The following PPFIBP1 variants were observed in gnomAD, a reference collection of about 807,000 sequenced individuals.
The protein encoded by PPFIBP1 is liprin-beta-1.
Under a neutral mutation model 137.8 loss-of-function variants are expected in PPFIBP1, and 112 were observed. That is an observed-to-expected ratio of 0.81 (90% CI 0.70 to 0.95). The LOEUF is 0.95. PPFIBP1 is among the 40% of genes least tolerant of loss of function. The probability of loss-of-function intolerance (pLI) is 0.00; values close to 1 mark genes in which losing one functional copy is unlikely to be tolerated. For synonymous variants in PPFIBP1, 378 were observed against 417.3 expected, an observed-to-expected ratio of 0.91 and a Z score of 1.15; for missense variants, 1,083 against 1,196.6, an observed-to-expected ratio of 0.91 and a Z score of 1.40.
At chr12:27,555,560 G>T (rs1033745063) in intron 1 of PPFIBP1, among the ~76,000 whole-genome samples, 5 of 152,118 alleles carry the variant, frequency 3.3e-5, no homozygotes, top group Non-Finnish European at 5.9e-5. Flanking sequence ...GGCAGAAATT[G>T]TGCTTTTCTT....
At chr12:27,579,442 C>T (rs1407845798) in intron 2 of PPFIBP1, among the ~76,000 whole-genome samples, 1 of 152,232 alleles carries the variant, frequency 6.6e-6, no homozygotes, top group Non-Finnish European at 1.5e-5. Context: ...GAGCCTTCCT[C>T]CCCTCATGCT....
chr12:27,677,270 G>A, intron 19 of PPFIBP1, 174 bp downstream of exon 19: 1 of 725,412 alleles, frequency 1.4e-6, no homozygotes, highest in Non-Finnish European at 2.3e-6. Context: ...TAGAGGCTTT[G>A]CTTCCAAGCC....
chr12:27,620,718 T>C (rs2056264415), intron 2 of PPFIBP1, among the ~76,000 whole-genome samples: 1 of 115,500 alleles, frequency 8.7e-6, no homozygotes, highest in African/African-American at 3.4e-5. Flanking sequence ...AAAGTGGGGA[T>C]AAGTATTGTG....
chr12:27,671,933 A>C (rs559696202), intron 14 of PPFIBP1, among the ~76,000 whole-genome samples: 1 of 152,084 alleles, frequency 6.6e-6, no homozygotes, highest in Non-Finnish European at 1.5e-5. Flanking sequence ...TTAGCTGAGT[A>C]TGGTGGCACA....
At chr12:27,562,198 T>C (rs1284758935) in intron 1 of PPFIBP1, among the ~76,000 whole-genome samples, 1 of 152,184 alleles carries the variant, frequency 6.6e-6, no homozygotes, top group African/African-American at 2.4e-5. Context: ...AGTGACTGTA[T>C]TTTGTTTATT....
chr12:27,627,461 T>C (rs1220317174), intron 2 of PPFIBP1, among the ~76,000 whole-genome samples: 1 of 152,210 alleles, frequency 6.6e-6, no homozygotes, highest in Admixed American at 6.5e-5. Flanking sequence ...AGTGTCTTAG[T>C]CTCAGTGAAT....
At chr12:27,598,817 G>A (rs1592745568) in intron 2 of PPFIBP1, among the ~76,000 whole-genome samples, 2 of 152,264 alleles carry the variant, frequency 1.3e-5, no homozygotes, top group Non-Finnish European at 1.5e-5. Context: ...TACGGCTCAT[G>A]TTAATTTTTT....
chr12:27,604,716 T>C (rs1477140524), intron 2 of PPFIBP1, among the ~76,000 whole-genome samples: 3 of 152,250 alleles, frequency 2.0e-5, no homozygotes, highest in African/African-American at 7.2e-5. Flanking sequence ...GAACCACTTG[T>C]GTACATCTCC....
At chr12:27,627,405 G>C (rs1182965158) in intron 2 of PPFIBP1, among the ~76,000 whole-genome samples, 1 of 152,112 alleles carries the variant, frequency 6.6e-6, no homozygotes, top group African/African-American at 2.4e-5. Context: ...CAGCATAGTC[G>C]AATGTATGTG....
intron 2 of PPFIBP1, among the ~76,000 whole-genome samples, chr12:27,580,762 A>G (rs936923679): frequency 6.6e-6 from 1 of 152,204 alleles, no homozygotes; most frequent in African/African-American, 2.4e-5. Context: ...TGTCCTTGAC[A>G]TGTCCCTCCC....
At chr12:27,683,764 A>G (rs2061023655) in intron 24 of PPFIBP1, among the ~76,000 whole-genome samples, 1 of 151,670 alleles carries the variant, frequency 6.6e-6, no homozygotes, top group South Asian at 2.1e-4. Context: ...CTCTTTATTT[A>G]TTTATTTTTA....
chr12:27,621,206 G>T (rs2056314819), intron 2 of PPFIBP1, among the ~76,000 whole-genome samples: 1 of 152,276 alleles, frequency 6.6e-6, no homozygotes, highest in African/African-American at 2.4e-5. Flanking sequence ...TGCTGTTGTG[G>T]CATGAAAGCC....
rs186601077 is a variant in PPFIBP1 at position 27,594,469 on chromosome 12, C to T, written c.-36+16230C>T. On this transcript the variant is annotated intron_variant, in intron 2 of 29. Transcript: ENST00000228425. ...CTGGGATTACAGGAATGAGCCACCA[C>T]GCCCAGCCCCATTCCCTTTTCTATT... 7.9e-5 allele frequency among the ~76,000 whole-genome samples: 12 copies of T among 152,274 alleles called. No homozygotes were observed. In the East Asian group the frequency reaches 1.2e-3, roughly 15 times the overall value.
chr12:27,601,282 A>G (rs904527644), intron 2 of PPFIBP1, among the ~76,000 whole-genome samples: 1 of 152,238 alleles, frequency 6.6e-6, no homozygotes, highest in African/African-American at 2.4e-5. Flanking sequence ...TTATTGTGAC[A>G]AGGACTTCCT....
At chr12:27,569,870 C>T (rs921437569) in intron 1 of PPFIBP1, among the ~76,000 whole-genome samples, 3 of 152,124 alleles carry the variant, frequency 2.0e-5, no homozygotes, top group Non-Finnish European at 4.4e-5. Context: ...ACATTTTATA[C>T]AGTTTCCAAG....
At chr12:27,676,935 T>C (rs1239824548) in intron 18 of PPFIBP1, 129 bp from the exon 19 acceptor site, 1 of 1,161,450 alleles carries the variant, frequency 8.6e-7, no homozygotes, top group Admixed American at 1.8e-5. Context: ...AGAAGCACTG[T>C]GTGCCGCATG....
chr12:27,546,475 G>C (rs1946252390), intron 1 of PPFIBP1, among the ~76,000 whole-genome samples: 1 of 152,118 alleles, frequency 6.6e-6, no homozygotes, highest in Admixed American at 6.5e-5. Context: ...CTTTTCCACT[G>C]ACTTCCAGGC....
At chr12:27,604,883 G>A (rs145818691) in intron 2 of PPFIBP1, among the ~76,000 whole-genome samples, 62 of 152,322 alleles carry the variant, frequency 4.1e-4, no homozygotes, top group African/African-American at 1.4e-3. Flanking sequence ...AGGCAAGGAG[G>A]AACAAGTCAC....
chr12:27,599,321 G>A (rs2053692874), intron 2 of PPFIBP1: 1 of 339,908 alleles, frequency 2.9e-6, no homozygotes, highest in Non-Finnish European at 5.9e-6. Context: ...AGGAGATTTT[G>A]CACAGTCCTT....
Sources: allele counts gnomAD v4.1 joint callset (sites outside exome capture counted in the v4.1 genomes callset), GRCh38; gene constraint gnomAD v4.1.1; transcripts MANE v1.5; gene names NCBI Gene and HGNC (gene_info 2026-07-23, HGNC 2026-07-21).